CHL1: variants seen among roughly 807,000 people sequenced by gnomAD.
CHL1 encodes the protein cell adhesion molecule L1 like.
A neutral mutation model predicts 141.9 loss-of-function variants in CHL1; 96 were observed. The ratio of observed to expected loss-of-function variants is 0.68; its 90% CI spans 0.57 to 0.80. The LOEUF (loss-of-function observed/expected upper bound fraction) is 0.80. Ranked by LOEUF, CHL1 falls within the 30% of genes least tolerant of loss-of-function variation. The pLI is 0.00. For synonymous variants in CHL1, 613 were observed against 502.2 expected, an observed-to-expected ratio of 1.22 and a Z score of -2.95; for missense variants, 1,820 against 1,457.2, an observed-to-expected ratio of 1.25 and a Z score of -4.05.
chr3:345,925 C>T (rs772705148), intron 9 of CHL1, among the ~76,000 whole-genome samples: 3 of 152,168 alleles, frequency 2.0e-5, no homozygotes, highest in Non-Finnish European at 2.9e-5. Context: ...ACAGGGTCTC[C>T]TATTTTTACC....
chr3:340,353 G>C (rs1427098770), intron 5 of CHL1, among the ~76,000 whole-genome samples: 1 of 152,100 alleles, frequency 6.6e-6, no homozygotes. Flanking sequence ...TAATGCACTG[G>C]CTGGAATATT....
intron 1 of CHL1, among the ~76,000 whole-genome samples, chr3:198,974 A>T (rs949861840): frequency 1.3e-5 from 2 of 152,236 alleles, no homozygotes; most frequent in African/African-American, 4.8e-5. Context: ...GGTGACAAGA[A>T]AATAAAAAGT....
At chr3:269,607 C>G (rs527914276) in intron 2 of CHL1, among the ~76,000 whole-genome samples, 1 of 152,138 alleles carries the variant, frequency 6.6e-6, no homozygotes, top group African/African-American at 2.4e-5. Context: ...CTCAGTGCAA[C>G]CTCTGCCTCC....
intron 27 of CHL1, among the ~76,000 whole-genome samples, chr3:404,111 T>C (rs187094421): frequency 3.3e-5 from 5 of 152,358 alleles, no homozygotes; most frequent in Non-Finnish European, 1.5e-5. Flanking sequence ...TTAGGAGCAC[T>C]GGCTGGTGGA....
chr3:339,827 C>T (rs755504390), intron 5 of CHL1, among the ~76,000 whole-genome samples: 4 of 152,086 alleles, frequency 2.6e-5, no homozygotes, highest in Non-Finnish European at 5.9e-5. Context: ...CAATGAAAAT[C>T]GGTTGTGAAT....
rs550078546 is a variant in CHL1 at position 320,218 on chromosome 3, T to G, written c.91+351T>G. Among the ~76,000 whole-genome samples the G allele has an allele frequency of 6.8e-4, 104 of 152,180 alleles. 1 individual carries two copies. Among genetic ancestry groups the G allele is most frequent in the African/African-American group, 2.4e-3 (100 of 41,548 alleles). ...GGTTAGTTAATCAAGATTCAGAAAT[T>G]ACTGGCATTCAACAAATTATGTCGA... On this transcript the variant is annotated intron_variant, in intron 3 of 27. Coordinates refer to ENST00000256509, the MANE Select transcript of CHL1 (RefSeq NM_006614.4).
chr3:374,507 G>C (rs1483833655), intron 15 of CHL1, among the ~76,000 whole-genome samples: 2 of 152,166 alleles, frequency 1.3e-5, no homozygotes, highest in African/African-American at 4.8e-5. Context: ...TTTAGGCTTT[G>C]ACCCCAGAAG....
intron 26 of CHL1, among the ~76,000 whole-genome samples, chr3:401,043 A>T (rs1709087384): frequency 6.6e-6 from 1 of 151,584 alleles, no homozygotes; most frequent in Admixed American, 6.6e-5. Context: ...CTGGGACTAC[A>T]GGTGTATGCT....
At chr3:318,673 C>T (rs35802886) in intron 2 of CHL1, among the ~76,000 whole-genome samples, 20,661 of 150,812 alleles carry the variant, frequency 0.14, 1,674 homozygotes, top group African/African-American at 0.21. Flanking sequence ...TTGAACCAAA[C>T]TCACATTTGT....
In CHL1 at chr3:237,201, G is replaced by C. The variant is rs189362005; in HGVS notation, c.-174-7412G>C. 1.1e-4 allele frequency among the ~76,000 whole-genome samples: 17 copies of C among 152,264 alleles called. No homozygotes were observed. In the East Asian group the frequency reaches 2.7e-3, roughly 24 times the overall value. On this transcript the variant is annotated intron_variant, in intron 1 of 27. Coordinates refer to ENST00000256509, the MANE Select transcript of CHL1 (RefSeq NM_006614.4). ...TTATGGGGGTGGTTTCCCCCATGCT[G>C]TTCTCATGATAGTGAGTGAGGTCTC...
intron 2 of CHL1, among the ~76,000 whole-genome samples, chr3:293,345 T>C (rs1347208957): frequency 6.6e-6 from 1 of 151,868 alleles, no homozygotes; most frequent in East Asian, 1.9e-4. Flanking sequence ...CTACTAAAAA[T>C]ACAAAAAATT....
intron 2 of CHL1, among the ~76,000 whole-genome samples, chr3:255,499 ATG>A (rs4002879): frequency 7.3e-5 from 10 of 137,006 alleles, no homozygotes; most frequent in East Asian, 2.7e-4. Flanking sequence ...GTGTCTTTGT[ATG>A]TGTGTGTGTG....
intron 1 of CHL1, among the ~76,000 whole-genome samples, chr3:212,878 T>G (rs1015836200): frequency 4.6e-5 from 7 of 152,226 alleles, no homozygotes; most frequent in Non-Finnish European, 7.3e-5. Context: ...ACTCACCATC[T>G]TCAATACTTG....
At chr3:259,324 G>T (rs549389420) in intron 2 of CHL1, among the ~76,000 whole-genome samples, 1 of 147,746 alleles carries the variant, frequency 6.8e-6, no homozygotes, top group Non-Finnish European at 1.5e-5. Context: ...GTGTGCATGC[G>T]TGTGTGTGTG....
intron 2 of CHL1, among the ~76,000 whole-genome samples, chr3:250,259 G>C (rs1475071658): frequency 6.6e-6 from 1 of 151,988 alleles, no homozygotes; most frequent in Non-Finnish European, 1.5e-5. Context: ...AATTTTATTT[G>C]ATATTAGTAA....
chr3:240,882 G>T (rs1692493565), intron 1 of CHL1, among the ~76,000 whole-genome samples: 1 of 152,056 alleles, frequency 6.6e-6, no homozygotes, highest in Non-Finnish European at 1.5e-5. Context: ...GTTTTTGTTT[G>T]CTTTGTAGAA....
Position 349,272 on chromosome 3 carries a change from C to G in CHL1, c.849-87C>G, listed in dbSNP as rs181863271. On this transcript the variant is annotated intron_variant, in intron 9 of 27. Transcript: ENST00000256509. ...AATATGAGCACATGTGTAAAAGCAC[C>G]CTGATAAAGGATGTGTCCTAAGGTT... is the stretch of plus-strand genomic sequence containing the variant. 2.3e-3 allele frequency: 2,629 copies of G among 1,155,790 alleles called. 6 individuals are homozygous for G. Among genetic ancestry groups the G allele is most frequent in the Non-Finnish European group, 2.4e-3 (1,938 of 808,920 alleles). 71.6% of individuals were successfully genotyped at this position (1,155,790 alleles called of 1,614,324 possible).
At chr3:245,368 G>A (rs533487722) in intron 2 of CHL1, among the ~76,000 whole-genome samples, 20 of 152,232 alleles carry the variant, frequency 1.3e-4, no homozygotes, top group Admixed American at 1.0e-3. Flanking sequence ...CATAAAACTG[G>A]AATAATAGTT....
intron 1 of CHL1, chr3:197,871 G>A (rs1281643774): frequency 3.0e-6 from 1 of 329,494 alleles, no homozygotes; most frequent in South Asian, 2.0e-5. Context: ...TCTTTCTCTC[G>A]CTTTTTTTTT....
Sources: gnomAD v4.1 joint callset for allele counts (sites outside exome capture counted in the v4.1 genomes callset) on GRCh38, gnomAD v4.1.1 for gene constraint, MANE v1.5 for transcripts, NCBI Gene and HGNC (gene_info 2026-07-23, HGNC 2026-07-21) for gene names.